The following ZNF423 variants were observed in gnomAD, a reference collection of about 807,000 sequenced individuals.
ZNF423 encodes the protein zinc finger protein 423.
ZNF423 carries 12 observed loss-of-function variants against 95.8 expected under a neutral mutation model. That is an observed-to-expected ratio of 0.13 (90% CI 0.08 to 0.20). The LOEUF is 0.20. ZNF423 is among the 10% of genes least tolerant of loss of function. ZNF423 has a pLI of 1.00. For synonymous variants in ZNF423, 749 were observed against 711.9 expected, an observed-to-expected ratio of 1.05 and a Z score of -0.83; for missense variants, 1,316 against 1,737.1, an observed-to-expected ratio of 0.76 and a Z score of 4.31.
intron 4 of ZNF423, 51 bp from the exon 5 acceptor site, chr16:49,626,305 A>G (rs1156344593): frequency 6.3e-7 from 1 of 1,589,292 alleles, no homozygotes. Context: ...GGTAGGAAAA[A>G]GGAGAAAGCA....
chr16:49,761,183 G>A (rs2033827206), intron 2 of ZNF423, among the ~76,000 whole-genome samples: 1 of 152,176 alleles, frequency 6.6e-6, no homozygotes, highest in African/African-American at 2.4e-5. Context: ...GCAATAAAGG[G>A]AGACAATGAC....
At chr16:49,726,855 G>GAAAA (rs2033028945) in intron 3 of ZNF423, among the ~76,000 whole-genome samples, 1 of 10,604 alleles carries the variant, frequency 9.4e-5, no homozygotes, top group Non-Finnish European at 1.8e-4. Flanking sequence ...GTTCCCCCTA[G>GAAAA]CAAAAAAAAA....
intron 5 of ZNF423, among the ~76,000 whole-genome samples, chr16:49,577,857 G>A (rs1970546081): frequency 1.3e-5 from 2 of 152,180 alleles, no homozygotes; most frequent in South Asian, 4.1e-4. Context: ...GTTCCTATTT[G>A]CCAGCGATAG....
At chr16:49,774,821 G>A (rs2034093880) in intron 2 of ZNF423, among the ~76,000 whole-genome samples, 1 of 152,170 alleles carries the variant, frequency 6.6e-6, no homozygotes, top group Non-Finnish European at 1.5e-5. Context: ...CCCAAACTGT[G>A]TTCCAAGATT....
chr16:49,640,097 C>T (rs1010939396), intron 3 of ZNF423, among the ~76,000 whole-genome samples: 7 of 152,102 alleles, frequency 4.6e-5, no homozygotes, highest in African/African-American at 1.4e-4. Context: ...CTTGTAACCC[C>T]GAGGAAATAA....
chr16:49,721,967 C>G (rs542896828), intron 3 of ZNF423, among the ~76,000 whole-genome samples: 33 of 152,290 alleles, frequency 2.2e-4, no homozygotes, highest in African/African-American at 7.9e-4. Context: ...AGCATTCGCT[C>G]TATGTAATCA....
intron 2 of ZNF423, among the ~76,000 whole-genome samples, chr16:49,749,618 G>C (rs2033595147): frequency 6.6e-6 from 1 of 152,222 alleles, no homozygotes; most frequent in Admixed American, 6.5e-5. Flanking sequence ...GTGCGAATGG[G>C]ATCCTGCGCC....
chr16:49,634,015 T>C (rs1332575648), intron 4 of ZNF423, among the ~76,000 whole-genome samples: 2 of 151,888 alleles, frequency 1.3e-5, no homozygotes, highest in African/African-American at 2.4e-5. Flanking sequence ...CAAGCAATTC[T>C]CCTGCCTCAG....
Position 49,791,666 on chromosome 16 carries a change from C to CA in ZNF423, c.41-2121dup, listed in dbSNP as rs1435311201. ...TATGTTAAATTTGAAAGAAAAAGCA[C>CA]AAAAAATATGTTCAGCAGAATCCCT... On this transcript the variant is annotated intron_variant, in intron 1 of 7. Transcript: ENST00000563137. 2.0e-5 allele frequency among the ~76,000 whole-genome samples: 3 copies of CA among 152,140 alleles called. No individual in the cohort carries two copies. The East Asian group carries it at 5.8e-4, about 29-fold the overall frequency.
At chr16:49,780,314 T>C (rs1025937446) in intron 2 of ZNF423, among the ~76,000 whole-genome samples, 2 of 151,964 alleles carry the variant, frequency 1.3e-5, no homozygotes, top group African/African-American at 4.8e-5. Context: ...AGGAAAAGGG[T>C]GGGCAGGAAA....
At chr16:49,814,486 C>G (rs1343237749) in intron 1 of ZNF423, among the ~76,000 whole-genome samples, 1 of 151,362 alleles carries the variant, frequency 6.6e-6, no homozygotes, top group Non-Finnish European at 1.5e-5. Context: ...CTGCACCTGC[C>G]TTTTCCAACA....
chr16:49,636,461 C>A lies in ZNF423; in HGVS notation c.2715G>T (p.Met905Ile). Reference sequence around the variant, plus strand: ...GCCGGTGATTCTGCAGCAGCACCTCCATGGTGTAGGCCGCCCCACAGATGT... The same window carrying A: ...GCCGGTGATTCTGCAGCAGCACCTCAATGGTGTAGGCCGCCCCACAGATGT... ...GCDICGAAYT[M>I]EVLLQNHRLR... The change falls in exon 4 of 8, where the codon ATG (methionine) becomes ATT (isoleucine). Residue 905 changes from methionine (M) to isoleucine (I), a missense_variant. Met to Ile is a conservative substitution (Grantham distance 10). Coordinates refer to ENST00000563137, the MANE Select transcript of ZNF423 (RefSeq NM_001379286.1). This position sits in a 1 kb window ranked among gnomAD's most constrained non-coding sequence, Gnocchi z 8.6. The A allele has an allele frequency of 6.2e-7, 1 of 1,613,576 alleles. No homozygotes were observed. The highest frequency in any genetic ancestry group is 8.5e-7 in the Non-Finnish European group (1 of 1,180,016).
At chr16:49,703,303 AT>A (rs979885295) in intron 3 of ZNF423, among the ~76,000 whole-genome samples, 1 of 152,124 alleles carries the variant, frequency 6.6e-6, no homozygotes, top group African/African-American at 2.4e-5. Context: ...CCTTCATTGA[AT>A]TTTTTTTAAA....
intron 5 of ZNF423, among the ~76,000 whole-genome samples, chr16:49,588,615 A>G (rs1970914813): frequency 2.0e-5 from 3 of 152,168 alleles, no homozygotes; most frequent in Admixed American, 2.0e-4. Flanking sequence ...TCTCTTTCCC[A>G]TCAAAAACTC....
intron 3 of ZNF423, among the ~76,000 whole-genome samples, chr16:49,668,230 G>A (rs539469041): frequency 5.4e-4 from 82 of 152,258 alleles, no homozygotes; most frequent in African/African-American, 1.9e-3. Context: ...AGTAGGAGGT[G>A]GGAAAGAACC....
At chr16:49,644,472 T>C (rs1359216434) in intron 3 of ZNF423, among the ~76,000 whole-genome samples, 2 of 147,714 alleles carry the variant, frequency 1.4e-5, no homozygotes, top group East Asian at 4.0e-4. Context: ...CTGAGCAATA[T>C]AGCAAGACCC....
At chr16:49,547,613 G>A (rs1489178170) in intron 5 of ZNF423, among the ~76,000 whole-genome samples, 1 of 152,244 alleles carries the variant, frequency 6.6e-6, no homozygotes, top group African/African-American at 2.4e-5. Flanking sequence ...AGTGGGCCCT[G>A]GCGGGGAACC....
intron 2 of ZNF423, among the ~76,000 whole-genome samples, chr16:49,755,862 C>G (rs1456285160): frequency 6.6e-6 from 1 of 152,192 alleles, no homozygotes; most frequent in African/African-American, 2.4e-5. Context: ...ATCAATGCAT[C>G]AGCCAACAAG....
At chr16:49,832,859 A>G (rs1473313893) in intron 1 of ZNF423, among the ~76,000 whole-genome samples, 2 of 151,776 alleles carry the variant, frequency 1.3e-5, no homozygotes, top group Non-Finnish European at 1.5e-5. Flanking sequence ...GGGACCTTGA[A>G]GTCCCAGATC....
Sources: allele counts gnomAD v4.1 joint callset (sites outside exome capture counted in the v4.1 genomes callset), GRCh38; gene constraint gnomAD v4.1.1; non-coding constraint Gnocchi (gnomAD v3.1); transcripts MANE v1.5; gene names NCBI Gene and HGNC (gene_info 2026-07-23, HGNC 2026-07-21).